Variants in UGGT2 observed in about 807,000 individuals in gnomAD.
The protein encoded by UGGT2 is UDP-glucose glycoprotein glucosyltransferase 2.
In UGGT2, 180 loss-of-function variants were observed where a neutral mutation model predicts 192.1. That is an observed-to-expected ratio of 0.94 (90% CI 0.83 to 1.06). The LOEUF is 1.06. UGGT2 is among the 50% of genes least tolerant of loss of function. The probability of loss-of-function intolerance (pLI) is 0.00; values close to 1 mark genes in which losing one functional copy is unlikely to be tolerated. For missense variants in UGGT2, 1,849 were observed against 1,795.7 expected (o/e 1.03, Z -0.54); for synonymous variants, 580 against 591.0 (o/e 0.98, Z 0.27).
chr13:95,811,033 T>G (rs892148643), intron 38 of UGGT2, among the ~76,000 whole-genome samples: 1 of 152,124 alleles, frequency 6.6e-6, no homozygotes, highest in African/African-American at 2.4e-5. Context: ...ATCAGGGAAA[T>G]GCAAATCAAA....
intron 10 of UGGT2, among the ~76,000 whole-genome samples, chr13:95,973,856 CAT>C (rs1177549218): frequency 7.2e-5 from 11 of 152,332 alleles, no homozygotes; most frequent in East Asian, 3.9e-4. Flanking sequence ...ATCTATCTCA[CAT>C]GTTTGCTATA....
rs1278059942 is a variant in UGGT2, at chr13:96,004,116, T to A, written c.661-4809A>T. Among the ~76,000 whole-genome samples, 6 of 151,448 alleles carry A rather than the reference T, an allele frequency of 4.0e-5. No individual in the cohort carries two copies. In the East Asian group the frequency reaches 1.2e-3, roughly 29 times the overall value. ...AGAAACTTAAATTTTGGATTCCCCA[T>A]GTAAGCAGCAAAGCTATCCCCAGGT... On this transcript the variant is annotated intron_variant, in intron 5 of 38. Transcript: ENST00000376747.
At chr13:96,029,344 T>C (rs1011765310) in intron 2 of UGGT2, among the ~76,000 whole-genome samples, 10 of 152,198 alleles carry the variant, frequency 6.6e-5, no homozygotes, top group Admixed American at 1.3e-4. Context: ...TGCAGTCCAG[T>C]GGTGTGATCT....
intron 5 of UGGT2, among the ~76,000 whole-genome samples, chr13:96,007,006 T>C (rs927742653): frequency 1.3e-5 from 2 of 152,108 alleles, no homozygotes; most frequent in Admixed American, 6.5e-5. Context: ...GAAAACTATA[T>C]GCCAATATCA....
chr13:95,860,687 G>A, intron 32 of UGGT2, 101 bp downstream of exon 32: 1 of 611,774 alleles, frequency 1.6e-6, no homozygotes, highest in Non-Finnish European at 2.5e-6. Context: ...AACAGAGGTG[G>A]GAGTTTTTTT....
chr13:96,020,237 G>C (rs1052249941), intron 4 of UGGT2, among the ~76,000 whole-genome samples: 4 of 152,118 alleles, frequency 2.6e-5, no homozygotes, highest in African/African-American at 9.7e-5. Context: ...CATGGGTCAG[G>C]CATTCAGTTT....
chr13:96,018,750 C>A (rs199762147), intron 4 of UGGT2, among the ~76,000 whole-genome samples: 93 of 133,962 alleles, frequency 6.9e-4, no homozygotes, highest in African/African-American at 1.6e-3. Flanking sequence ...AAAAAAAAAA[C>A]AAAAAAAACA....
chr13:96,029,437 C>A (rs986569895), intron 2 of UGGT2, among the ~76,000 whole-genome samples: 1 of 151,876 alleles, frequency 6.6e-6, no homozygotes, highest in African/African-American at 2.4e-5. Context: ...AGGCCCGCAC[C>A]ACCACGCCCA....
chr13:96,015,791 A>T (rs1468498042), intron 4 of UGGT2, among the ~76,000 whole-genome samples: 1 of 152,240 alleles, frequency 6.6e-6, no homozygotes, highest in Non-Finnish European at 1.5e-5. Context: ...GTAACTATGC[A>T]AAGATATATG....
At position 95,949,409 on chromosome 13, in the gene UGGT2, T is replaced by C. The variant is rs1566744063; in HGVS notation, c.1381A>G (p.Thr461Ala). ...GGCTTCAGAAGTTTCTGGCAACTTG[T>C]AGGCCATGTAATATACAAATCATCA... ...ENDDLYITWP[T>A]SCQKLLKPVF... The change falls in exon 13 of 39, where the codon ACA becomes GCA. Residue 461 changes from threonine to alanine, a missense_variant. By Grantham distance (58) the Thr-to-Ala change is moderately conservative. Coordinates refer to ENST00000376747, the MANE Select transcript of UGGT2 (RefSeq NM_020121.4). 1 of 1,583,300 alleles carries C rather than the reference T, an allele frequency of 6.3e-7. No individual in the cohort carries two copies. The highest frequency in any genetic ancestry group is 1.3e-5 in the African/African-American group (1 of 74,316).
intron 29 of UGGT2, among the ~76,000 whole-genome samples, chr13:95,868,469 G>A (rs1890886860): frequency 6.6e-6 from 1 of 152,070 alleles, no homozygotes; most frequent in Non-Finnish European, 1.5e-5. Flanking sequence ...GTGGTGGCCA[G>A]CGCTGTGGTC....
chr13:96,028,884 C>T (rs1292887038), intron 2 of UGGT2, among the ~76,000 whole-genome samples: 1 of 152,056 alleles, frequency 6.6e-6, no homozygotes, highest in Non-Finnish European at 1.5e-5. Flanking sequence ...GTGGCTCACA[C>T]CTGTAAATCC....
intron 24 of UGGT2, among the ~76,000 whole-genome samples, chr13:95,893,350 C>T (rs1034921808): frequency 2.0e-5 from 3 of 152,132 alleles, no homozygotes; most frequent in Non-Finnish European, 1.5e-5. Flanking sequence ...TATATATATA[C>T]ATGTATACAC....
In UGGT2 at chr13:96,053,160, C is replaced by G. The variant is rs1344968301; in HGVS notation, c.153G>C (p.Glu51Asp). 3 of 1,510,972 alleles carry G rather than the reference C, an allele frequency of 2.0e-6. No individual in the cohort carries two copies. In the African/African-American group the frequency reaches 4.3e-5, roughly 21 times the overall value. The allele number at this position is 1,510,972 out of a possible 1,614,324, so 93.6% of individuals were successfully genotyped here. ...AKWPETPLLL[E>D]ASEFMAEESN... ...AGGGCCCGGCCCGCACCCACCTTGC[C>G]TCCAGCAGCAGCGGGGTCTCGGGCC... The change falls in exon 1 of 39, where the codon GAG becomes GAC. Residue 51 changes from glutamate (E) to aspartate (D), a missense_variant. Glu to Asp is a conservative substitution (Grantham distance 45). Coordinates refer to ENST00000376747, the MANE Select transcript of UGGT2 (RefSeq NM_020121.4).
chr13:95,947,444 T>C (rs2049910202), intron 14 of UGGT2, among the ~76,000 whole-genome samples: 1 of 147,564 alleles, frequency 6.8e-6, no homozygotes, highest in Admixed American at 7.2e-5. Flanking sequence ...AGGGTAAATA[T>C]ACTCTTTTTA....
At position 95,859,600 on chromosome 13, in the gene UGGT2, C is replaced by A; in HGVS notation, c.3816G>T (p.Pro1272=). The A allele has an allele frequency of 6.2e-7, 1 of 1,608,600 alleles. No individual in the cohort carries two copies. Among genetic ancestry groups the A allele is most frequent in the African/African-American group, 1.3e-5 (1 of 74,772 alleles). ...AAAGCTATGTACTTACTTTAAATGT[C>A]GGTGAGAGATAATTTTTTAGCAACC... is the stretch of plus-strand genomic sequence containing the variant. The part of the protein sequence containing the change: ...KFWLLKNYLS[P]TFKEVIPHMA... The change falls in exon 33 of 39, where the codon CCG becomes CCT. Residue 1272 remains proline (P), a synonymous_variant. Coordinates refer to ENST00000376747, the MANE Select transcript of UGGT2 (RefSeq NM_020121.4).
chr13:96,039,587 G>A (rs2053107621), intron 1 of UGGT2, among the ~76,000 whole-genome samples: 1 of 152,168 alleles, frequency 6.6e-6, no homozygotes, highest in South Asian at 2.1e-4. Context: ...AATCTGGATA[G>A]GCTGAGAACC....
intron 4 of UGGT2, among the ~76,000 whole-genome samples, chr13:96,016,682 G>A (rs942144376): frequency 6.6e-6 from 1 of 152,208 alleles, no homozygotes; most frequent in Admixed American, 6.5e-5. Flanking sequence ...CACAGGCAAG[G>A]CCCCCACAGA....
rs185298660 is a variant in UGGT2, at chr13:95,858,767, A to C, written c.3825+824T>G. On this transcript the variant is annotated intron_variant, in intron 33 of 38. Coordinates refer to ENST00000376747, the MANE Select transcript of UGGT2 (RefSeq NM_020121.4). ...TAAAAGTGGTCTCAGGTACCTCTCA[A>C]CTGTGCAAGCTAGTTACGTAACTTT... Among the ~76,000 whole-genome samples, 9 of 152,230 alleles carry C rather than the reference A, an allele frequency of 5.9e-5. No individual in the cohort carries two copies. The East Asian group carries it at 1.2e-3, about 20-fold the overall frequency.
Sources: gnomAD v4.1 joint callset for allele counts (sites outside exome capture counted in the v4.1 genomes callset) on GRCh38, gnomAD v4.1.1 for gene constraint, MANE v1.5 for transcripts, NCBI Gene and HGNC (gene_info 2026-07-23, HGNC 2026-07-21) for gene names.